The following MDFIC2 variants were observed in gnomAD, a reference collection of about 807,000 sequenced individuals.
MDFIC2 encodes the protein myoD family inhibitor domain-containing protein 2.
chr3:70,259,192 C>T (rs1701843588), intron 2 of MDFIC2, among the ~76,000 whole-genome samples: 1 of 152,084 alleles, frequency 6.6e-6, no homozygotes, highest in Admixed American at 6.6e-5. Flanking sequence ...TGAGCTCTAG[C>T]CATTTCCCAG....
At chr3:70,228,093 A>G (rs1701525847) in intron 2 of MDFIC2, among the ~76,000 whole-genome samples, 1 of 151,992 alleles carries the variant, frequency 6.6e-6, no homozygotes, top group African/African-American at 2.4e-5. Context: ...TACTACTGTT[A>G]AAATAACATG....
At position 70,241,920 on chromosome 3, in the gene MDFIC2, A is replaced by T. The variant is rs1701669702; in HGVS notation, c.89-35130T>A. On this transcript the variant is annotated intron_variant, in intron 2 of 3. Coordinates refer to ENST00000567252, the MANE Select transcript of MDFIC2 (RefSeq NM_001364677.1). The stretch of plus-strand genomic sequence containing the variant: ...TGCCTGAGTCCAATAACCTGTGCTC[A>T]AAAGTTTCATTCTAAACTGTATAAT... 2.6e-5 allele frequency among the ~76,000 whole-genome samples: 4 copies of T among 152,230 alleles called. 1 individual carries two copies. In the South Asian group the frequency reaches 8.3e-4, roughly 31 times the overall value.
At chr3:70,216,558 C>T (rs989016930) in intron 2 of MDFIC2, among the ~76,000 whole-genome samples, 1 of 152,042 alleles carries the variant, frequency 6.6e-6, no homozygotes, top group African/African-American at 2.4e-5. Flanking sequence ...GGCTCCAAGT[C>T]CATGTTCCTA....
chr3:70,274,090 T>TGC (rs1187285721), intron 2 of MDFIC2, among the ~76,000 whole-genome samples: 1 of 144,972 alleles, frequency 6.9e-6, no homozygotes, highest in Non-Finnish European at 1.5e-5. Context: ...TGTGTGTGTG[T>TGC]GCGCGCGCGC....
Position 70,196,659 on chromosome 3 carries a change from C to T in MDFIC2, c.*267G>A, listed in dbSNP as rs1461536770. On this transcript the variant is annotated 3_prime_UTR_variant, in exon 4 of 4. Coordinates refer to ENST00000567252, the MANE Select transcript of MDFIC2 (RefSeq NM_001364677.1). ...TTTTATAGTCAAGAAACATCTTGTACCTACAGCATTTAAGAGGTATTTAAG... is the reference window on the plus strand; with the variant it reads ...TTTTATAGTCAAGAAACATCTTGTATCTACAGCATTTAAGAGGTATTTAAG... Among the ~76,000 whole-genome samples, 1 of 152,100 alleles carries T rather than the reference C, an allele frequency of 6.6e-6. No individual in the cohort carries two copies. The highest frequency in any genetic ancestry group is 1.5e-5 in the Non-Finnish European group (1 of 68,012).
At chr3:70,239,404 A>G (rs180840776) in intron 2 of MDFIC2, among the ~76,000 whole-genome samples, 6 of 152,294 alleles carry the variant, frequency 3.9e-5, no homozygotes, top group African/African-American at 1.4e-4. Context: ...TCAGGATGTT[A>G]TGCAATTAGG....
At chr3:70,252,944 G>A (rs6549307) in intron 2 of MDFIC2, among the ~76,000 whole-genome samples, 146,208 of 152,010 alleles carry the variant, frequency 0.96, 70,537 homozygotes, top group Non-Finnish European at 1. Context: ...GCCGGCTGTG[G>A]TGGCAGGCGC....
At chr3:70,252,754 G>A (rs1701781355) in intron 2 of MDFIC2, among the ~76,000 whole-genome samples, 1 of 152,064 alleles carries the variant, frequency 6.6e-6, no homozygotes, top group African/African-American at 2.4e-5. Context: ...GGATACATCA[G>A]TGAACAAAAC....
intron 2 of MDFIC2, among the ~76,000 whole-genome samples, chr3:70,292,782 C>A (rs578025832): frequency 2.0e-5 from 3 of 151,936 alleles, no homozygotes; most frequent in East Asian, 3.9e-4. Context: ...GAATTATTTT[C>A]TTTTCGTGGT....
At chr3:70,290,135 T>A (rs1221854601) in intron 2 of MDFIC2, among the ~76,000 whole-genome samples, 1 of 152,210 alleles carries the variant, frequency 6.6e-6, no homozygotes. Context: ...GGAGAGGCGC[T>A]CTGCTTTTTA....
At chr3:70,263,834 G>A (rs1701890184) in intron 2 of MDFIC2, among the ~76,000 whole-genome samples, 1 of 151,950 alleles carries the variant, frequency 6.6e-6, no homozygotes, top group Admixed American at 6.6e-5. Context: ...TTACTCCTAG[G>A]CAGAAGGTCT....
intron 2 of MDFIC2, among the ~76,000 whole-genome samples, chr3:70,267,770 C>T (rs1701934326): frequency 6.6e-6 from 1 of 151,800 alleles, no homozygotes; most frequent in African/African-American, 2.4e-5. Context: ...GATAAAGGGT[C>T]TTCACTGGAT....
chr3:70,288,995 G>A (rs765711515), intron 2 of MDFIC2, among the ~76,000 whole-genome samples: 13 of 152,028 alleles, frequency 8.6e-5, no homozygotes, highest in Non-Finnish European at 1.8e-4. Context: ...CACACTGATG[G>A]GTCTTAAATC....
intron 2 of MDFIC2, among the ~76,000 whole-genome samples, chr3:70,290,888 G>T (rs144795557): frequency 6.6e-6 from 1 of 152,140 alleles, no homozygotes; most frequent in Non-Finnish European, 1.5e-5. Context: ...TGCGCTTCCC[G>T]AGTGAGGCAA....
At chr3:70,290,921 C>T (rs116090493) in intron 2 of MDFIC2, among the ~76,000 whole-genome samples, 19,990 of 152,100 alleles carry the variant, frequency 0.13, 1,405 homozygotes, top group South Asian at 0.21. Context: ...CTTCGGATGG[C>T]GCACGGTGCG....
intron 2 of MDFIC2, among the ~76,000 whole-genome samples, chr3:70,243,673 CCAA>C (rs1047273539): frequency 7.9e-5 from 12 of 152,132 alleles, no homozygotes. Flanking sequence ...AGCACCTTCT[CCAA>C]CGTCTCCAGG....
At chr3:70,297,929 T>A (rs1702305059) in intron 2 of MDFIC2, among the ~76,000 whole-genome samples, 1 of 152,148 alleles carries the variant, frequency 6.6e-6, no homozygotes, top group Non-Finnish European at 1.5e-5. Context: ...GTTTAAAGCT[T>A]TTAGAGAGTG....
intron 2 of MDFIC2, among the ~76,000 whole-genome samples, chr3:70,223,701 G>A (rs980433121): frequency 6.6e-6 from 1 of 152,060 alleles, no homozygotes; most frequent in African/African-American, 2.4e-5. Flanking sequence ...TTATTTCCCA[G>A]TTTTAAGAGC....
intron 3 of MDFIC2, among the ~76,000 whole-genome samples, 159 bp from the exon 4 acceptor site, chr3:70,197,344 C>T (rs1576151384): frequency 1.3e-5 from 2 of 152,186 alleles, no homozygotes; most frequent in East Asian, 3.8e-4. Flanking sequence ...CTCCCCCACC[C>T]CCATGTCAGT....
Sources: allele counts gnomAD v4.1 joint callset (sites outside exome capture counted in the v4.1 genomes callset), GRCh38; gene constraint gnomAD v4.1.1; transcripts MANE v1.5; gene names NCBI Gene and HGNC (gene_info 2026-07-23, HGNC 2026-07-21).